Variants in GLIS1 observed in about 807,000 individuals in gnomAD.
GLIS1 encodes the protein zinc finger protein GLIS1.
A neutral mutation model predicts 63.8 loss-of-function variants in GLIS1; 24 were observed. The observed-to-expected ratio is 0.38, with a 90% CI of 0.27 to 0.53. The LOEUF is 0.53. GLIS1 is among the 20% of genes least tolerant of loss of function. The pLI is 0.85. For synonymous variants in GLIS1, 450 were observed against 482.5 expected (o/e 0.93, Z 0.88); for missense variants, 1,036 against 1,074.1 (o/e 0.96, Z 0.50).
intron 2 of GLIS1, among the ~76,000 whole-genome samples, chr1:53,684,794 C>T (rs187302482): frequency 2.0e-5 from 3 of 152,344 alleles, no homozygotes; most frequent in East Asian, 1.9e-4. Context: ...TACCCCATGA[C>T]CACCTCTCAG....
intron 2 of GLIS1, among the ~76,000 whole-genome samples, chr1:53,662,133 T>C (rs1174879552): frequency 6.6e-6 from 1 of 152,140 alleles, no homozygotes; most frequent in African/African-American, 2.4e-5. Flanking sequence ...AGTCCAGGCC[T>C]CACAAGCTGG....
Position 53,520,758 on chromosome 1 carries a change from C to T in GLIS1, c.1602G>A (p.Ala534=), listed in dbSNP as rs747241495. 1.9e-5 allele frequency: 31 copies of T among 1,604,856 alleles called. No homozygotes were observed. The highest frequency in any genetic ancestry group is 1.5e-4 in the African/African-American group (11 of 74,770). ...KEQQVRKKLH[A]GPDTEADVLT... ...GGACGTCGGCCTCGGTGTCAGGGCC[C>T]GCATGCAGCTGGGGAGCAAGCAGAG... is the stretch of plus-strand genomic sequence containing the variant. Residue 534 remains alanine, a synonymous_variant, in exon 7 of 11, where the codon GCG becomes GCA. Coordinates refer to ENST00000628545, the MANE Select transcript of GLIS1 (RefSeq NM_001367484.1).
intron 4 of GLIS1, among the ~76,000 whole-genome samples, chr1:53,559,660 G>A (rs1306653309): frequency 3.9e-5 from 6 of 152,192 alleles, no homozygotes; most frequent in Non-Finnish European, 8.8e-5. Context: ...GAGCCCCTGC[G>A]AGCCTCTGTT....
At chr1:53,551,605 G>A (rs1016410274) in intron 4 of GLIS1, among the ~76,000 whole-genome samples, 5 of 152,134 alleles carry the variant, frequency 3.3e-5, no homozygotes, top group Non-Finnish European at 5.9e-5. Flanking sequence ...AAGAAGCCCC[G>A]CGAAGGGGCT....
chr1:53,663,594 G>A (rs552824852), intron 2 of GLIS1, among the ~76,000 whole-genome samples: 68 of 152,288 alleles, frequency 4.5e-4, no homozygotes, highest in African/African-American at 1.6e-3. Flanking sequence ...TGCCCTTCAC[G>A]GCTGTGTGCC....
At chr1:53,663,964 C>T (rs184506026) in intron 2 of GLIS1, among the ~76,000 whole-genome samples, 11 of 152,322 alleles carry the variant, frequency 7.2e-5, no homozygotes, top group Non-Finnish European at 5.9e-5. Flanking sequence ...CCAAGCCACC[C>T]CTCCCTTCTC....
chr1:53,577,054 T>C (rs1460192176), intron 4 of GLIS1, among the ~76,000 whole-genome samples: 19 of 151,018 alleles, frequency 1.3e-4, no homozygotes, highest in African/African-American at 4.4e-4. Flanking sequence ...CTGTTCTTCC[T>C]CCCTCCCCCA....
At chr1:53,709,415 C>CATAT (rs777561220) in intron 2 of GLIS1, among the ~76,000 whole-genome samples, 72,930 of 122,704 alleles carry the variant, frequency 0.59, 22,696 homozygotes, top group Non-Finnish European at 0.69. Context: ...TATATATACA[C>CATAT]ACACACACAC....
intron 2 of GLIS1, among the ~76,000 whole-genome samples, chr1:53,611,258 T>C (rs1238613300): frequency 2.0e-5 from 3 of 152,132 alleles, no homozygotes; most frequent in Non-Finnish European, 4.4e-5. Flanking sequence ...CTCAGCTAAT[T>C]TGTGTATTTT....
chr1:53,737,305 G>T (rs534978734), intron 2 of GLIS1, among the ~76,000 whole-genome samples: 34 of 152,332 alleles, frequency 2.2e-4, no homozygotes, highest in African/African-American at 8.2e-4. Context: ...TGCTGATGCA[G>T]AAAATTTTCC....
At chr1:53,644,894 T>C (rs1645826610) in intron 2 of GLIS1, among the ~76,000 whole-genome samples, 1 of 152,200 alleles carries the variant, frequency 6.6e-6, no homozygotes, top group African/African-American at 2.4e-5. Context: ...CAGGCTGCTG[T>C]GCTGAAAGCA....
intron 2 of GLIS1, among the ~76,000 whole-genome samples, chr1:53,677,512 G>A (rs560041986): frequency 6.6e-6 from 1 of 152,342 alleles, no homozygotes; most frequent in East Asian, 1.9e-4. Flanking sequence ...GCCATTGAAC[G>A]CCAGACAGAC....
chr1:53,655,313 G>A (rs1169947960), intron 2 of GLIS1, among the ~76,000 whole-genome samples: 1 of 152,170 alleles, frequency 6.6e-6, no homozygotes, highest in Admixed American at 6.5e-5. Context: ...CACTGCTCTA[G>A]ACGAGTTGTC....
intron 4 of GLIS1, 80 bp from the exon 5 acceptor site, chr1:53,530,032 C>A (rs1038488164): frequency 3.6e-6 from 5 of 1,388,894 alleles, no homozygotes; most frequent in Non-Finnish European, 3.9e-6. Context: ...CCCAGGCCTG[C>A]CTGGCCCCAG....
intron 7 of GLIS1, among the ~76,000 whole-genome samples, chr1:53,516,271 G>A (rs1307092750): frequency 4.6e-5 from 7 of 152,284 alleles, no homozygotes; most frequent in African/African-American, 1.7e-4. Context: ...TTTCATGGAT[G>A]GGGTAAGGGA....
At chr1:53,540,759 C>T (rs1003378875) in intron 4 of GLIS1, among the ~76,000 whole-genome samples, 4 of 152,158 alleles carry the variant, frequency 2.6e-5, no homozygotes, top group African/African-American at 4.8e-5. Flanking sequence ...GGCAGTGGGG[C>T]GATGGTACAG....
intron 2 of GLIS1, among the ~76,000 whole-genome samples, chr1:53,603,372 C>T (rs1014394292): frequency 1.3e-5 from 2 of 152,198 alleles, no homozygotes; most frequent in Non-Finnish European, 2.9e-5. Flanking sequence ...ATAGTCGTGG[C>T]CCAAAGTTGG....
chr1:53,688,215 C>T (rs1557522525), intron 2 of GLIS1, among the ~76,000 whole-genome samples: 3 of 152,258 alleles, frequency 2.0e-5, no homozygotes, highest in Admixed American at 2.0e-4. Flanking sequence ...CAAACATCCC[C>T]ACGGGCTCAT....
intron 2 of GLIS1, among the ~76,000 whole-genome samples, chr1:53,645,872 T>C (rs1313617140): frequency 1.3e-5 from 2 of 152,244 alleles, no homozygotes; most frequent in African/African-American, 2.4e-5. Flanking sequence ...TCGTGGTGTC[T>C]ACCTCACTCC....
Sources: gnomAD v4.1 joint callset for allele counts (sites outside exome capture counted in the v4.1 genomes callset) on GRCh38, gnomAD v4.1.1 for gene constraint, MANE v1.5 for transcripts, NCBI Gene and HGNC (gene_info 2026-07-23, HGNC 2026-07-21) for gene names.